PIGN: variants seen among roughly 807,000 people sequenced by gnomAD.
The protein encoded by PIGN is GPI ethanolamine phosphate transferase 1.
In PIGN, 117 loss-of-function variants were observed where a neutral mutation model predicts 125.4. The ratio of observed to expected loss-of-function variants is 0.93; its 90% confidence interval spans 0.80 to 1.09. The LOEUF is 1.09. Ranked by LOEUF, PIGN falls within the 50% of genes least tolerant of loss-of-function variation. PIGN has a pLI of 0.00. For missense variants in PIGN, 1,075 were observed against 1,094.9 expected (o/e 0.98, Z 0.26); for synonymous variants, 392 against 377.8 (o/e 1.04, Z -0.44).
chr18:62,073,288 T>G (rs2032995085), intron 29 of PIGN, among the ~76,000 whole-genome samples: 1 of 151,756 alleles, frequency 6.6e-6, no homozygotes, highest in Admixed American at 6.6e-5. Flanking sequence ...CTGATTAGAA[T>G]GGAAGGGAAG....
intron 14 of PIGN, among the ~76,000 whole-genome samples, chr18:62,134,284 A>C (rs1317130756): frequency 6.6e-6 from 1 of 152,102 alleles, no homozygotes; most frequent in Non-Finnish European, 1.5e-5. Context: ...CCAGCTACTC[A>C]GGAGACTGAG....
intron 22 of PIGN, among the ~76,000 whole-genome samples, chr18:62,097,943 C>A (rs1176071152): frequency 6.6e-6 from 1 of 152,156 alleles, no homozygotes; most frequent in East Asian, 1.9e-4. Flanking sequence ...TCTAATCCCC[C>A]TAGTGCTCTA....
At chr18:62,133,215 G>T (rs547970292) in intron 14 of PIGN, among the ~76,000 whole-genome samples, 1 of 152,300 alleles carries the variant, frequency 6.6e-6, no homozygotes, top group Non-Finnish European at 1.5e-5. Flanking sequence ...AGTAGGTTAG[G>T]TGTATTAAAT....
intron 14 of PIGN, among the ~76,000 whole-genome samples, chr18:62,127,816 G>C (rs892745188): frequency 1.3e-5 from 2 of 152,066 alleles, no homozygotes; most frequent in Non-Finnish European, 2.9e-5. Flanking sequence ...TCAGCCTCCT[G>C]AGTAGCTGGG....
chr18:62,167,699 CAT>C (rs201858574), intron 1 of PIGN, among the ~76,000 whole-genome samples: 40,086 of 145,300 alleles, frequency 0.28, 6,302 homozygotes, highest in Middle Eastern at 0.46. Context: ...TCTCTCTCTA[CAT>C]ATATATATAT....
At position 62,109,952 on chromosome 18, in the gene PIGN, A is replaced by G; in HGVS notation, c.1456T>C (p.Cys486Arg). 1 of 1,613,408 alleles carries G rather than the reference A, an allele frequency of 6.2e-7. No homozygotes were observed. The highest frequency in any genetic ancestry group is 8.5e-7 in the Non-Finnish European group (1 of 1,179,510). The stretch of plus-strand genomic sequence containing the variant: ...AAAATGCCAATAGCTACAAAACTAC[A>G]AGGCAGGAGATGGCTTGGTTTCTGA... ...EVKKPSHLLP[C>R]SFVAIGILVA... Residue 486 changes from cysteine (C) to arginine (R), a missense_variant, in exon 17 of 31, where the codon TGT becomes CGT. This residue lies in a region of PIGN where 915 missense variants were observed against 908.7 expected (regional missense o/e 1.01). Transcript: ENST00000640252.
chr18:62,082,559 T>C (rs2033497097), intron 28 of PIGN, 114 bp downstream of exon 28: 1 of 535,216 alleles, frequency 1.9e-6, no homozygotes, highest in Non-Finnish European at 3.3e-6. Context: ...ATTTTTGTAA[T>C]AAACAATCTA....
chr18:62,148,510 T>C (rs2036417722), intron 7 of PIGN, among the ~76,000 whole-genome samples, 172 bp from the exon 8 acceptor site: 1 of 152,114 alleles, frequency 6.6e-6, no homozygotes, highest in African/African-American at 2.4e-5. Context: ...TTCAGACATC[T>C]ATGTTCAAAT....
At chr18:62,152,763 G>T (rs1266245295) in intron 7 of PIGN, among the ~76,000 whole-genome samples, 1 of 152,076 alleles carries the variant, frequency 6.6e-6, no homozygotes, top group African/African-American at 2.4e-5. Context: ...CTGGTGGAAA[G>T]TCAAAAGAAT....
At position 62,042,618 on chromosome 18, in the gene PIGN, C is replaced by T. The variant is rs1047591901; in HGVS notation, c.*3238G>A. 2.0e-5 allele frequency: 3 copies of T among 151,700 alleles called. No homozygotes were observed. Among genetic ancestry groups the T allele is most frequent in the Admixed American group, 1.3e-4 (2 of 15,234 alleles). 9.4% of individuals were successfully genotyped at this position (151,700 alleles called of 1,614,324 possible). A position where few individuals can be genotyped will look rare whatever the true frequency, so the allele number is the denominator to read the frequency against. On this transcript the variant is annotated 3_prime_UTR_variant, in exon 31 of 31. Transcript: ENST00000640252. ...AATTCTAGATTTTAGCCCTGTGAGGCCAATTAAAGATAATTTTGATTATTA... is the reference window on the plus strand; with the variant it reads ...AATTCTAGATTTTAGCCCTGTGAGGTCAATTAAAGATAATTTTGATTATTA...
In PIGN at chr18:62,163,878, T is replaced by C. The variant is rs947147400; in HGVS notation, c.-235-222A>G. 9.9e-5 allele frequency among the ~76,000 whole-genome samples: 15 copies of C among 152,246 alleles called. 3 individuals carry two copies. The highest frequency in any genetic ancestry group is 9.2e-4 in the Admixed American group (14 of 15,282). On this transcript the variant is annotated intron_variant, in intron 1 of 30. Transcript: ENST00000640252. ...CCTGGGGAACCACTGTTCTACTTTCTATTTCCATGGGTATAACTATTCTTG... is the reference window on the plus strand; with the variant it reads ...CCTGGGGAACCACTGTTCTACTTTCCATTTCCATGGGTATAACTATTCTTG...
At chr18:62,048,589 C>T (rs2030934953) in intron 30 of PIGN, among the ~76,000 whole-genome samples, 1 of 146,650 alleles carries the variant, frequency 6.8e-6, no homozygotes, top group Non-Finnish European at 1.5e-5. Context: ...AAAAATATCC[C>T]ACGGAAATAA....
chr18:62,132,724 T>C (rs79645491), intron 14 of PIGN, among the ~76,000 whole-genome samples: 1,647 of 152,288 alleles, frequency 0.011, 30 homozygotes, highest in African/African-American at 0.037. Flanking sequence ...TGCTAGCTAA[T>C]ATCTTTTCCA....
Position 62,044,265 on chromosome 18 carries a change from AAAAATTTGGG to A in PIGN, c.*1581_*1590del, listed in dbSNP as rs1394922195. On this transcript the variant is annotated 3_prime_UTR_variant, in exon 31 of 31. Coordinates refer to ENST00000640252, the MANE Select transcript of PIGN (RefSeq NM_176787.5). Reference sequence around the variant, plus strand: ...AAAATATTTATTAATTTCTCTTTATAAAAATTTGGGAAAAGATAAAAGGCAAAACTACACA... The same window carrying A: ...AAAATATTTATTAATTTCTCTTTATAAAAAGATAAAAGGCAAAACTACACA... 2 of 152,228 alleles carry A rather than the reference AAAAATTTGGG, an allele frequency of 1.3e-5. No individual in the cohort carries two copies. Among genetic ancestry groups the A allele is most frequent in the Non-Finnish European group, 2.9e-5 (2 of 68,046 alleles). 9.4% of individuals were successfully genotyped at this position (152,228 alleles called of 1,614,324 possible).
At position 62,109,844 on chromosome 18, in the gene PIGN, C is replaced by A. The variant is rs1282015980; in HGVS notation, c.1564G>T (p.Val522Phe). 1 of 1,611,010 alleles carries A rather than the reference C, an allele frequency of 6.2e-7. No individual in the cohort carries two copies. The highest frequency in any genetic ancestry group is 8.5e-7 in the Non-Finnish European group (1 of 1,178,294). The change falls in exon 17 of 31, where the codon GTT becomes TTT. Residue 522 changes from valine to phenylalanine, a missense_variant. This residue lies in a region of PIGN where 915 missense variants were observed against 908.7 expected (regional missense o/e 1.01). Transcript: ENST00000640252. ...GLLPLPIWYA[V>F]LREFQVIQDL... ...AGATGCATTACTTACTCTCTTAGAA[C>A]CGCATACCATATTGGCAGTGGCAAC...
chr18:62,055,178 A>G (rs76220229), intron 30 of PIGN, among the ~76,000 whole-genome samples: 1 of 152,202 alleles, frequency 6.6e-6, no homozygotes, highest in Non-Finnish European at 1.5e-5. Context: ...TGCATGCCAG[A>G]GGGAAAAAAC....
intron 1 of PIGN, among the ~76,000 whole-genome samples, chr18:62,183,656 C>T (rs1243446567): frequency 6.6e-6 from 1 of 152,162 alleles, no homozygotes; most frequent in Non-Finnish European, 1.5e-5. Context: ...AATTCCATGA[C>T]AGCAGGACGG....
chr18:62,072,251 T>C (rs1417915673), intron 30 of PIGN: 2 of 152,670 alleles, frequency 1.3e-5, no homozygotes, highest in African/African-American at 4.8e-5. Context: ...AAGCTAAGTG[T>C]TATTATAAAG....
chr18:62,115,764 A>G (rs999394303), intron 14 of PIGN, among the ~76,000 whole-genome samples: 2 of 152,120 alleles, frequency 1.3e-5, no homozygotes, highest in Non-Finnish European at 2.9e-5. Context: ...AAATTCATAA[A>G]CCCAGAAGCT....
Sources: allele counts gnomAD v4.1 joint callset (sites outside exome capture counted in the v4.1 genomes callset), GRCh38; gene constraint gnomAD v4.1.1; regional missense constraint gnomAD v4.1.1; transcripts MANE v1.5; gene names NCBI Gene and HGNC (gene_info 2026-07-23, HGNC 2026-07-21).